Variants in MAGI2 observed in about 807,000 individuals in gnomAD.
The protein encoded by MAGI2 is membrane associated guanylate kinase, WW and PDZ domain containing 2.
A neutral mutation model predicts 133.3 loss-of-function variants in MAGI2; 35 were observed. The ratio of observed to expected loss-of-function variants is 0.26; its 90% confidence interval spans 0.20 to 0.35. MAGI2 has a LOEUF of 0.35. MAGI2 is among the 10% of genes least tolerant of loss of function. MAGI2 has a pLI of 1.00. For synonymous variants in MAGI2, 729 were observed against 710.6 expected, an observed-to-expected ratio of 1.03 and a Z score of -0.41; for missense variants, 1,636 against 1,863.4, an observed-to-expected ratio of 0.88 and a Z score of 2.25.
intron 6 of MAGI2, among the ~76,000 whole-genome samples, chr7:78,378,426 C>G (rs1247725338): frequency 1.3e-5 from 2 of 151,828 alleles, no homozygotes; most frequent in Admixed American, 1.3e-4. Context: ...AAAATTGTCC[C>G]CAGTCAATTC....
At chr7:78,598,232 C>A (rs929894818) in intron 3 of MAGI2, among the ~76,000 whole-genome samples, 2 of 151,854 alleles carry the variant, frequency 1.3e-5, no homozygotes, top group Admixed American at 6.6e-5. Context: ...AGTCTAGTGG[C>A]CACGGAAATA....
At chr7:78,096,973 A>T (rs367607231) in intron 20 of MAGI2, among the ~76,000 whole-genome samples, 1 of 152,196 alleles carries the variant, frequency 6.6e-6, no homozygotes, top group East Asian at 1.9e-4. Context: ...TTACAAGAGA[A>T]CAAACAACCC....
chr7:78,192,180 G>A (rs1454749559), intron 12 of MAGI2, among the ~76,000 whole-genome samples: 1 of 152,144 alleles, frequency 6.6e-6, no homozygotes, highest in Admixed American at 6.6e-5. Flanking sequence ...AGTTTAAACA[G>A]CTCTGGTTAG....
chr7:78,932,631 A>G (rs1292683596), intron 2 of MAGI2, among the ~76,000 whole-genome samples: 6 of 152,170 alleles, frequency 3.9e-5, no homozygotes, highest in African/African-American at 1.4e-4. Flanking sequence ...AAATAAGCAA[A>G]GATAGGTCAC....
At chr7:79,369,613 T>C (rs556536201) in intron 1 of MAGI2, among the ~76,000 whole-genome samples, 1 of 152,170 alleles carries the variant, frequency 6.6e-6, no homozygotes, top group Non-Finnish European at 1.5e-5. Flanking sequence ...TTCCCAGGCT[T>C]GTAGAACTCC....
At chr7:79,262,099 A>T (rs1243046911) in intron 1 of MAGI2, among the ~76,000 whole-genome samples, 1 of 152,130 alleles carries the variant, frequency 6.6e-6, no homozygotes, top group African/African-American at 2.4e-5. Context: ...TCCCATCCTT[A>T]AAAAACCCCT....
In MAGI2 at chr7:79,007,098, G is replaced by T. The variant is rs1483679514; in HGVS notation, c.410C>A (p.Thr137Lys). 6.2e-7 allele frequency: 1 copy of T among 1,607,294 alleles called. No homozygotes were observed. Among genetic ancestry groups the T allele is most frequent in the East Asian group, 2.2e-5 (1 of 44,620 alleles). Reference sequence around the variant, plus strand: ...CTGCCCATTGTACTCACATGGCACCGTGCGGAGGTAGAGGTTGTCACGAAT... The same window carrying T: ...CTGCCCATTGTACTCACATGGCACCTTGCGGAGGTAGAGGTTGTCACGAAT... Reference protein sequence around the residue: ...QIIRDNLYLRTVPCTTRPHKE... With the variant: ...QIIRDNLYLRKVPCTTRPHKE... Residue 137 changes from threonine to lysine, a missense_variant, in exon 2 of 22, where the codon ACG becomes AAG. By Grantham distance (78) the Thr-to-Lys change is moderately conservative. Around this residue, in one of 5 missense-constraint regions of MAGI2, gnomAD observed 148 missense variants for 239.0 expected, o/e 0.62. Transcript: ENST00000354212.
rs1288741372 is a variant in MAGI2 at position 78,169,425 on chromosome 7, A to T, written c.2404-1317T>A. 2.8e-5 allele frequency among the ~76,000 whole-genome samples: 3 copies of T among 105,910 alleles called. No homozygotes were observed. In the South Asian group the frequency reaches 9.1e-4, roughly 32 times the overall value. The allele number at this position is 105,910 out of a possible 152,430, so 69.5% of individuals were successfully genotyped here. ...CATAATAATTTCTTTCAAATCCCCTATCTGTGAATTCCAGCTAATTTGCAG... is the reference window on the plus strand; with the variant it reads ...CATAATAATTTCTTTCAAATCCCCTTTCTGTGAATTCCAGCTAATTTGCAG... On this transcript the variant is annotated intron_variant, in intron 14 of 21. Transcript: ENST00000354212.
chr7:78,406,561 G>A (rs182058357), intron 6 of MAGI2, among the ~76,000 whole-genome samples: 2 of 152,150 alleles, frequency 1.3e-5, no homozygotes, highest in African/African-American at 4.8e-5. Flanking sequence ...TGACATGAAA[G>A]ATAGAATGTC....
chr7:78,673,231 A>G (rs321983), intron 2 of MAGI2, among the ~76,000 whole-genome samples: 70,847 of 151,826 alleles, frequency 0.47, 17,292 homozygotes, highest in East Asian at 0.66. Context: ...ACTGTTATTC[A>G]TTAAGATTCT....
intron 20 of MAGI2, among the ~76,000 whole-genome samples, chr7:78,082,728 T>C (rs3823796): frequency 0.1 from 15,765 of 152,188 alleles, 1,306 homozygotes; most frequent in East Asian, 0.44. Flanking sequence ...AAAATGCTGC[T>C]GCTGACATAG....
chr7:78,072,940 G>C, intron 21 of MAGI2: 3 of 398,594 alleles, frequency 7.5e-6, no homozygotes, highest in Non-Finnish European at 1.3e-5. Context: ...TTAGAGGTGT[G>C]AGCCACCCCG....
At chr7:79,029,820 A>G (rs780175352) in intron 1 of MAGI2, among the ~76,000 whole-genome samples, 32 of 152,186 alleles carry the variant, frequency 2.1e-4, no homozygotes, top group Non-Finnish European at 4.4e-4. Flanking sequence ...GAGTTTAGAG[A>G]TGAATTAACT....
intron 1 of MAGI2, among the ~76,000 whole-genome samples, chr7:79,279,128 T>C (rs1056927435): frequency 2.0e-5 from 3 of 152,134 alleles, no homozygotes; most frequent in African/African-American, 4.8e-5. Flanking sequence ...GTGCTACTAC[T>C]ATCCCTGCTC....
At chr7:79,430,079 T>A (rs1185614701) in intron 1 of MAGI2, among the ~76,000 whole-genome samples, 1 of 152,192 alleles carries the variant, frequency 6.6e-6, no homozygotes, top group Non-Finnish European at 1.5e-5. Context: ...TAAAGAGGAA[T>A]GCATGATGTA....
intron 1 of MAGI2, among the ~76,000 whole-genome samples, chr7:79,066,288 T>G (rs1031563308): frequency 6.6e-4 from 100 of 151,178 alleles, no homozygotes; most frequent in African/African-American, 2.3e-3. Flanking sequence ...GTGTGGTGTT[T>G]TTTTTTTTTT....
chr7:79,142,134 T>C (rs2129546266), intron 1 of MAGI2, among the ~76,000 whole-genome samples: 1 of 152,332 alleles, frequency 6.6e-6, no homozygotes, highest in South Asian at 2.1e-4. Context: ...ATTGTGGCTA[T>C]AATTACAGGC....
At chr7:78,364,121 C>G (rs1273988223) in intron 7 of MAGI2, among the ~76,000 whole-genome samples, 1 of 152,112 alleles carries the variant, frequency 6.6e-6, no homozygotes, top group East Asian at 1.9e-4. Flanking sequence ...ACTCTGCAGC[C>G]CATACTTTTG....
intron 1 of MAGI2, among the ~76,000 whole-genome samples, chr7:79,267,038 G>C (rs926228038): frequency 1.3e-5 from 2 of 152,092 alleles, no homozygotes; most frequent in Non-Finnish European, 2.9e-5. Context: ...TCTTCCTGAG[G>C]ACCCTGGAGA....
Sources: allele counts gnomAD v4.1 joint callset (sites outside exome capture counted in the v4.1 genomes callset), GRCh38; gene constraint gnomAD v4.1.1; regional missense constraint gnomAD v4.1.1; transcripts MANE v1.5; gene names NCBI Gene and HGNC (gene_info 2026-07-23, HGNC 2026-07-21).